The following FBXO43 variants were observed in gnomAD, a reference collection of about 807,000 sequenced individuals.
FBXO43 encodes F-box protein 43, also known as F-box only protein 43.
FBXO43 carries 22 observed loss-of-function variants against 56.7 expected under a neutral mutation model. The ratio of observed to expected loss-of-function variants is 0.39; its 90% CI spans 0.28 to 0.55. The LOEUF (loss-of-function observed/expected upper bound fraction) is 0.55, where lower values mean the gene tolerates loss of function less well. FBXO43 is among the 20% of genes least tolerant of loss of function. FBXO43 has a pLI of 0.66. For synonymous variants in FBXO43, 306 were observed against 294.5 expected, an observed-to-expected ratio of 1.04 and a Z score of -0.40; for missense variants, 733 against 814.9, an observed-to-expected ratio of 0.90 and a Z score of 1.22.
At chr8:100,135,285 T>C (rs968623800) in intron 3 of FBXO43, among the ~76,000 whole-genome samples, 1 of 152,118 alleles carries the variant, frequency 6.6e-6, no homozygotes, top group African/African-American at 2.4e-5. Flanking sequence ...GTGGCAGTAG[T>C]AGTGAGAGGT....
chr8:100,142,577 C>T (rs1278418040), intron 1 of FBXO43, among the ~76,000 whole-genome samples: 1 of 148,248 alleles, frequency 6.7e-6, no homozygotes, highest in Non-Finnish European at 1.5e-5. Context: ...TTAGTCTACT[C>T]AAAAAATGCT....
In FBXO43 at chr8:100,134,044, TG is replaced by T. The variant is rs751830510; in HGVS notation, c.1884del (p.Thr630HisfsTer8). 2.5e-6 allele frequency: 4 copies of T among 1,613,564 alleles called. No homozygotes were observed. The highest frequency in any genetic ancestry group is 3.4e-6 in the Non-Finnish European group (4 of 1,179,530). On this transcript the variant is annotated frameshift_variant, in exon 5 of 5. Transcript: ENST00000428847. LOFTEE classifies it high-confidence loss of function. ...AATGCTTCATCAGTAAAAAGTGTTT[TG>T]GCAACCTGCAGTGAAAGCACACACA... The part of the protein sequence containing the change: ...SSKQEEYVKV[A>X]KTLFTDEALK...
chr8:100,134,910 G>A (rs960985014), intron 3 of FBXO43, among the ~76,000 whole-genome samples: 2 of 152,170 alleles, frequency 1.3e-5, no homozygotes, highest in Admixed American at 6.5e-5. Flanking sequence ...GGATGTCTCT[G>A]AGGAAAAGAA....
At chr8:100,135,546 GA>G (rs1201844413) in intron 3 of FBXO43, among the ~76,000 whole-genome samples, 2 of 151,552 alleles carry the variant, frequency 1.3e-5, no homozygotes, top group South Asian at 2.1e-4. Context: ...AGAAAGGGGG[GA>G]AAAGTACAGT....
intron 3 of FBXO43, 76 bp from the exon 4 acceptor site, chr8:100,134,440 T>G (rs1814407219): frequency 1.6e-6 from 2 of 1,260,798 alleles, no homozygotes; most frequent in African/African-American, 3.0e-5. Flanking sequence ...GCACACGGAT[T>G]TATATGCTTT....
intron 3 of FBXO43, among the ~76,000 whole-genome samples, chr8:100,134,682 A>G (rs997978523): frequency 1.3e-5 from 2 of 152,140 alleles, no homozygotes; most frequent in Admixed American, 6.5e-5. Context: ...AGATAATATA[A>G]TATATAATCT....
intron 2 of FBXO43, 147 bp from the exon 3 acceptor site, chr8:100,137,814 C>A: frequency 3.2e-6 from 2 of 619,788 alleles, no homozygotes; most frequent in South Asian, 1.9e-5. Context: ...GTGACTTGGT[C>A]AACATTGTTA....
Position 100,140,999 on chromosome 8 carries a change from C to G in FBXO43, c.1255G>C (p.Glu419Gln). Reference protein sequence around the residue: ...KRAAAASAISEGQLSSDESGD... With the variant: ...KRAAAASAISQGQLSSDESGD... ...CTCTCATCACTACTCAGCTGACCCT[C>G]TGAGATGGCAGAAGCAGCTGCTGCT... The change falls in exon 2 of 5, where the codon GAG (glutamate) becomes CAG (glutamine). Residue 419 changes from glutamate to glutamine, a missense_variant. Transcript: ENST00000428847. The G allele has an allele frequency of 6.2e-7, 1 of 1,614,270 alleles. No homozygotes were observed. Among genetic ancestry groups the G allele is most frequent in the Non-Finnish European group, 8.5e-7 (1 of 1,180,054 alleles).
intron 1 of FBXO43, 95 bp from the exon 2 acceptor site, chr8:100,142,263 G>A: frequency 8.7e-7 from 1 of 1,145,738 alleles, no homozygotes; most frequent in Non-Finnish European, 1.2e-6. Flanking sequence ...AGATAATAAT[G>A]GAAAATTGTA....
intron 2 of FBXO43, among the ~76,000 whole-genome samples, chr8:100,138,637 G>A (rs1033245659): frequency 1.3e-5 from 2 of 152,220 alleles, no homozygotes; most frequent in Non-Finnish European, 2.9e-5. Context: ...ATGGGAAGGA[G>A]AGATAATTGT....
At chr8:100,134,094 A>C in intron 4 of FBXO43, 44 bp from the exon 5 acceptor site, 1 of 1,606,084 alleles carries the variant, frequency 6.2e-7, no homozygotes, top group Non-Finnish European at 8.5e-7. Context: ...TTTCATATAG[A>C]GGAGCACTTT....
At position 100,141,597 on chromosome 8, in the gene FBXO43, G is replaced by C; in HGVS notation, c.657C>G (p.Cys219Trp). Residue 219 changes from cysteine (C) to tryptophan (W), a missense_variant, in exon 2 of 5, where the codon TGC (cysteine) becomes TGG (tryptophan). By Grantham distance (215) the Cys-to-Trp change is radical. Coordinates refer to ENST00000428847, the MANE Select transcript of FBXO43 (RefSeq NM_001029860.4). Reference protein sequence around the residue: ...STLKTEEVTSCSQKLRLNFSQ... With the variant: ...STLKTEEVTSWSQKLRLNFSQ... ...AAAAATTAAGCCTCAATTTTTGACT[G>C]CATGAAGTCACTTCTTCTGTTTTTA... is the stretch of plus-strand genomic sequence containing the variant. 6.2e-7 allele frequency: 1 copy of C among 1,612,220 alleles called. No individual in the cohort carries two copies. Among genetic ancestry groups the C allele is most frequent in the South Asian group, 1.1e-5 (1 of 91,052 alleles).
At position 100,140,866 on chromosome 8, in the gene FBXO43, C is replaced by G. The variant is rs1197923661; in HGVS notation, c.1388G>C (p.Gly463Ala). 20 of 1,614,072 alleles carry G rather than the reference C, an allele frequency of 1.2e-5. No homozygotes were observed. The highest frequency in any genetic ancestry group is 1.6e-5 in the Non-Finnish European group (19 of 1,180,036). ...SKRKRLQENS[G>A]HEFLEQGDGE... is the part of the protein sequence containing the mutation. ...ATCCCCTTGCTCTAAGAATTCATGT[C>G]CACTATTTTCCTGTAATCTTTTCCT... Residue 463 changes from glycine to alanine, a missense_variant, in exon 2 of 5, where the codon GGA (glycine) becomes GCA (alanine). Transcript: ENST00000428847.
chr8:100,150,430 T>C (rs143610052), upstream of FBXO43, among the ~76,000 whole-genome samples: 11 of 152,324 alleles, frequency 7.2e-5, no homozygotes, highest in East Asian at 1.9e-3. Flanking sequence ...CGCCTTGTAC[T>C]TGCATAACTG....
At chr8:100,144,625 T>C (rs191785275) in intron 1 of FBXO43, among the ~76,000 whole-genome samples, 1,641 of 138,450 alleles carry the variant, frequency 0.012, 11 homozygotes, top group Non-Finnish European at 0.019. Flanking sequence ...AAGTGTTCTT[T>C]AAGAAAAAAA....
rs956089943 is a variant in FBXO43 at position 100,145,445 on chromosome 8, T to TA, written c.-311dup. Reference sequence around the variant, plus strand: ...CGAGGAGCTATGGCGGGCGGGTGGGTAACGGTCTCACCAGGGCGTCAAAGA... The same window carrying TA: ...CGAGGAGCTATGGCGGGCGGGTGGGTAAACGGTCTCACCAGGGCGTCAAAGA... On this transcript the variant is annotated 5_prime_UTR_variant, in exon 1 of 5. Coordinates refer to ENST00000428847, the MANE Select transcript of FBXO43 (RefSeq NM_001029860.4). The TA allele has an allele frequency of 5.0e-5, 12 of 237,706 alleles. No homozygotes were observed. In the Admixed American group the frequency reaches 6.7e-4, roughly 13 times the overall value. The allele number at this position is 237,706 out of a possible 1,614,324, so 14.7% of individuals were successfully genotyped here. A position where few individuals can be genotyped will look rare whatever the true frequency, so the allele number is the denominator to read the frequency against.
intron 2 of FBXO43, among the ~76,000 whole-genome samples, chr8:100,138,221 C>T (rs1176083229): frequency 6.6e-6 from 1 of 152,102 alleles, no homozygotes; most frequent in Non-Finnish European, 1.5e-5. Context: ...AATTTTTGTC[C>T]AGTGATTGCT....
intron 3 of FBXO43, among the ~76,000 whole-genome samples, chr8:100,136,372 T>A (rs1342972410): frequency 1.3e-5 from 2 of 152,252 alleles, no homozygotes; most frequent in South Asian, 4.1e-4. Flanking sequence ...ATTAGAAATT[T>A]ACTTATAGTA....
At chr8:100,149,206 C>A (rs1396369021), upstream of FBXO43, among the ~76,000 whole-genome samples, 1 of 152,234 alleles carries the variant, frequency 6.6e-6, no homozygotes, top group Non-Finnish European at 1.5e-5. Flanking sequence ...GATCTTCTTG[C>A]TATGACTTGT....
Sources: gnomAD v4.1 joint callset for allele counts (sites outside exome capture counted in the v4.1 genomes callset) on GRCh38, gnomAD v4.1.1 for gene constraint, MANE v1.5 for transcripts, NCBI Gene and HGNC (gene_info 2026-07-23, HGNC 2026-07-21) for gene names.